TSPAN5: variants seen among roughly 807,000 people sequenced by gnomAD.
TSPAN5 encodes tetraspanin-5.
In TSPAN5, 10 loss-of-function variants were observed where a neutral mutation model predicts 37.1. That is an observed-to-expected ratio of 0.27 (90% CI 0.17 to 0.46). The LOEUF is 0.46. Ranked by LOEUF, TSPAN5 falls within the 20% of genes least tolerant of loss-of-function variation. The pLI is 1.00. For missense variants in TSPAN5, 195 were observed against 326.6 expected, an observed-to-expected ratio of 0.60 and a Z score of 3.11; for synonymous variants, 110 against 118.9, an observed-to-expected ratio of 0.93 and a Z score of 0.48.
At chr4:98,605,149 T>C (rs539615820) in intron 1 of TSPAN5, among the ~76,000 whole-genome samples, 27 of 152,370 alleles carry the variant, frequency 1.8e-4, no homozygotes, top group South Asian at 4.1e-4. Flanking sequence ...TTTGTTGTTG[T>C]TGTTGTTGAA....
rs138653400 is a variant in TSPAN5, at chr4:98,562,779, A to G, written c.82-55051T>C. Among the ~76,000 whole-genome samples, 559 of 152,354 alleles carry G rather than the reference A, an allele frequency of 3.7e-3. 1 individual carries two copies. Among genetic ancestry groups the G allele is most frequent in the South Asian group, 7.0e-3 (34 of 4,828 alleles). On this transcript the variant is annotated intron_variant, in intron 1 of 7. Coordinates refer to ENST00000305798, the MANE Select transcript of TSPAN5 (RefSeq NM_005723.4). The stretch of plus-strand genomic sequence containing the variant: ...ATGTGTATGTGTATAGTGTGTGTAT[A>G]TAAGTATATAAAAAGAGAGACTAAG...
In TSPAN5 at chr4:98,585,244, TAACA is replaced by T. The variant is rs1755460618; in HGVS notation, c.81+72898_81+72901del. Among the ~76,000 whole-genome samples, 3 of 152,312 alleles carry T rather than the reference TAACA, an allele frequency of 2.0e-5. No individual in the cohort carries two copies. In the South Asian group the frequency reaches 6.2e-4, roughly 32 times the overall value. ...CCCATTACCCGAATGGTGAACACTG[TAACA>T]AACAAGCAATACTTCAACGTTCAGC... On this transcript the variant is annotated intron_variant, in intron 1 of 7. Transcript: ENST00000305798.
At chr4:98,485,112 TA>T (rs34892296) in intron 3 of TSPAN5, 461 of 145,928 alleles carry the variant, frequency 3.2e-3, no homozygotes, top group Middle Eastern at 0.011. Flanking sequence ...AAACTCCATC[TA>T]AAAAAAAAAA....
At chr4:98,570,925 C>A (rs1755104091) in intron 1 of TSPAN5, among the ~76,000 whole-genome samples, 1 of 151,730 alleles carries the variant, frequency 6.6e-6, no homozygotes, top group African/African-American at 2.4e-5. Context: ...AACAGGGCCT[C>A]TCAGGGTGCC....
At chr4:98,507,278 C>G (rs1436523467) in intron 2 of TSPAN5, among the ~76,000 whole-genome samples, 2 of 152,024 alleles carry the variant, frequency 1.3e-5, no homozygotes, top group Non-Finnish European at 1.5e-5. Flanking sequence ...TCGTTTTTAT[C>G]TTGAGTTATC....
chr4:98,601,707 G>A (rs1314554178), intron 1 of TSPAN5, among the ~76,000 whole-genome samples: 1 of 152,144 alleles, frequency 6.6e-6, no homozygotes, highest in African/African-American at 2.4e-5. Context: ...TGGGTTCACT[G>A]GAATAGCACT....
At position 98,630,401 on chromosome 4, in the gene TSPAN5, T is replaced by C. The variant is rs547043295; in HGVS notation, c.81+27745A>G. Reference sequence around the variant, plus strand: ...TCCCTCATTACCTGATCTTTAGACTTATACACCACTTCTCGTTTATGTGTG... The same window carrying C: ...TCCCTCATTACCTGATCTTTAGACTCATACACCACTTCTCGTTTATGTGTG... On this transcript the variant is annotated intron_variant, in intron 1 of 7. Transcript: ENST00000305798. 4.0e-5 allele frequency among the ~76,000 whole-genome samples: 6 copies of C among 151,694 alleles called. No homozygotes were observed. The South Asian group carries it at 1.2e-3, about 31-fold the overall frequency.
chr4:98,561,789 C>A (rs1159468274), intron 1 of TSPAN5, among the ~76,000 whole-genome samples: 1 of 152,216 alleles, frequency 6.6e-6, no homozygotes, highest in Admixed American at 6.5e-5. Flanking sequence ...AAACACAAAG[C>A]CTGGTAAGGC....
At chr4:98,643,105 A>G (rs1251134867) in intron 1 of TSPAN5, among the ~76,000 whole-genome samples, 1 of 152,192 alleles carries the variant, frequency 6.6e-6, no homozygotes, top group Non-Finnish European at 1.5e-5. Context: ...CCAGTCCTGC[A>G]AGCTCCATTC....
At chr4:98,543,564 CG>C (rs892858438) in intron 1 of TSPAN5, among the ~76,000 whole-genome samples, 2 of 151,652 alleles carry the variant, frequency 1.3e-5, no homozygotes, top group Admixed American at 6.6e-5. Flanking sequence ...TACAGGCTCC[CG>C]ACACCACGCC....
chr4:98,497,205 C>G (rs1033236781), intron 2 of TSPAN5, among the ~76,000 whole-genome samples: 10 of 151,650 alleles, frequency 6.6e-5, no homozygotes, highest in Admixed American at 5.9e-4. Context: ...GTAGTCCCAG[C>G]TACTCGGAAG....
intron 1 of TSPAN5, among the ~76,000 whole-genome samples, chr4:98,602,699 G>A (rs143636817): frequency 1.3e-5 from 2 of 152,156 alleles, no homozygotes; most frequent in African/African-American, 2.4e-5. Flanking sequence ...TTTGCCCTGC[G>A]ACAGAATTGC....
chr4:98,472,440 C>A lies in TSPAN5; in HGVS notation c.*82G>T. The A allele has an allele frequency of 8.0e-7, 1 of 1,252,432 alleles. No homozygotes were observed. The highest frequency in any genetic ancestry group is 1.5e-5 in the African/African-American group (1 of 66,474). 77.6% of individuals were successfully genotyped at this position (1,252,432 alleles called of 1,614,324 possible). On this transcript the variant is annotated 3_prime_UTR_variant, in exon 8 of 8. Transcript: ENST00000305798. ...GGCTGCATCTGTGATTAGGTCCATG[C>A]AGCTCGAAGATCAGTTCGGCACGCG...
At chr4:98,515,070 G>A (rs899607384) in intron 1 of TSPAN5, among the ~76,000 whole-genome samples, 1 of 152,136 alleles carries the variant, frequency 6.6e-6, no homozygotes, top group Non-Finnish European at 1.5e-5. Context: ...GTGAAGGAGT[G>A]AATGGCAGGT....
chr4:98,520,880 C>T (rs761867775), intron 1 of TSPAN5, among the ~76,000 whole-genome samples: 1 of 151,060 alleles, frequency 6.6e-6, no homozygotes, highest in Middle Eastern at 3.4e-3. Context: ...TTATCTGGTG[C>T]CTATTTCCAG....
At chr4:98,553,606 TTTAAA>T (rs1754668984) in intron 1 of TSPAN5, among the ~76,000 whole-genome samples, 1 of 152,178 alleles carries the variant, frequency 6.6e-6, no homozygotes. Flanking sequence ...TGAAAGAACC[TTTAAA>T]TGGTAAGGTA....
chr4:98,560,665 A>G (rs1332404515), intron 1 of TSPAN5, among the ~76,000 whole-genome samples: 3 of 152,254 alleles, frequency 2.0e-5, no homozygotes, highest in African/African-American at 7.2e-5. Flanking sequence ...TAGATTCTGT[A>G]GATAGAACAA....
chr4:98,578,206 A>G (rs1302114140), intron 1 of TSPAN5, among the ~76,000 whole-genome samples: 1 of 152,184 alleles, frequency 6.6e-6, no homozygotes, highest in East Asian at 1.9e-4. Context: ...TTGAGACATG[A>G]ACTTGCAACA....
intron 3 of TSPAN5, chr4:98,483,134 T>C (rs1393695429): frequency 6.6e-6 from 1 of 152,180 alleles, no homozygotes; most frequent in Non-Finnish European, 1.5e-5. Flanking sequence ...AGAAATGAGC[T>C]GTGAAGGACC....
Sources: gnomAD v4.1 joint callset for allele counts (sites outside exome capture counted in the v4.1 genomes callset) on GRCh38, gnomAD v4.1.1 for gene constraint, MANE v1.5 for transcripts, NCBI Gene and HGNC (gene_info 2026-07-23, HGNC 2026-07-21) for gene names.